The following CPNE4 variants were observed in gnomAD, a reference collection of about 807,000 sequenced individuals.
CPNE4 encodes the protein copine 4.
In CPNE4, 25 loss-of-function variants were observed where a neutral mutation model predicts 67.9. The observed-to-expected ratio is 0.37, with a 90% confidence interval of 0.27 to 0.51. The LOEUF is 0.51. Among genes scored for constraint, CPNE4 ranks in the 20% least tolerant of loss-of-function variants. CPNE4 has a pLI of 0.93. For missense variants in CPNE4, 464 were observed against 690.8 expected (o/e 0.67, Z 3.68); for synonymous variants, 242 against 244.9 (o/e 0.99, Z 0.11).
intron 7 of CPNE4, among the ~76,000 whole-genome samples, chr3:131,627,608 TG>T (rs2079113148): frequency 6.6e-6 from 1 of 152,204 alleles, no homozygotes; most frequent in Admixed American, 6.5e-5. Context: ...GAAAATAGTT[TG>T]GAAAGGATTC....
At chr3:131,746,341 A>G (rs1286131582) in intron 2 of CPNE4, among the ~76,000 whole-genome samples, 3 of 152,102 alleles carry the variant, frequency 2.0e-5, no homozygotes, top group Non-Finnish European at 4.4e-5. Context: ...AACTCTAGTC[A>G]TTCTACCGTA....
intron 1 of CPNE4, among the ~76,000 whole-genome samples, chr3:131,958,151 C>T (rs575689402): frequency 2.6e-5 from 4 of 152,348 alleles, no homozygotes; most frequent in African/African-American, 9.6e-5. Flanking sequence ...GTTACTTCTA[C>T]ATTCCAGACA....
intron 2 of CPNE4, among the ~76,000 whole-genome samples, chr3:131,864,170 G>T (rs1028304190): frequency 3.3e-5 from 5 of 151,184 alleles, no homozygotes; most frequent in African/African-American, 1.2e-4. Flanking sequence ...TTTGGCTTAG[G>T]CTTGACTTGG....
chr3:131,593,806 G>T (rs942252692), intron 7 of CPNE4, among the ~76,000 whole-genome samples: 1 of 152,070 alleles, frequency 6.6e-6, no homozygotes, highest in Non-Finnish European at 1.5e-5. Context: ...CTGCCTCCTG[G>T]GTTCAAGCGA....
chr3:131,698,393 T>C (rs2081210205), intron 4 of CPNE4, among the ~76,000 whole-genome samples: 1 of 151,878 alleles, frequency 6.6e-6, no homozygotes, highest in African/African-American at 2.4e-5. Flanking sequence ...ATCTACTGGT[T>C]TTGTGGGCTT....
At chr3:131,936,185 T>C (rs766848900) in intron 1 of CPNE4, among the ~76,000 whole-genome samples, 2 of 151,814 alleles carry the variant, frequency 1.3e-5, no homozygotes, top group Non-Finnish European at 2.9e-5. Context: ...GAATTTAAGC[T>C]ACAGAAAATC....
intron 2 of CPNE4, among the ~76,000 whole-genome samples, chr3:131,799,383 G>A (rs538859093): frequency 2.0e-5 from 3 of 152,156 alleles, no homozygotes; most frequent in Admixed American, 6.6e-5. Context: ...CCTCCTTCAC[G>A]GGCCTGCAAG....
At chr3:131,785,850 C>A (rs1488302387) in intron 2 of CPNE4, among the ~76,000 whole-genome samples, 1 of 152,024 alleles carries the variant, frequency 6.6e-6, no homozygotes, top group Non-Finnish European at 1.5e-5. Flanking sequence ...TTAAGGAAGC[C>A]ATAAGTTCTA....
chr3:131,546,446 C>A (rs1935842642), intron 14 of CPNE4, among the ~76,000 whole-genome samples: 1 of 152,120 alleles, frequency 6.6e-6, no homozygotes, highest in African/African-American at 2.4e-5. Context: ...TAGCAACAGA[C>A]TCCCTGGCAC....
At chr3:131,724,275 T>C (rs115010264) in intron 2 of CPNE4, among the ~76,000 whole-genome samples, 47 of 152,240 alleles carry the variant, frequency 3.1e-4, no homozygotes, top group African/African-American at 1.1e-3. Flanking sequence ...TTATTAAGTG[T>C]ATAATGTTCA....
intron 1 of CPNE4, among the ~76,000 whole-genome samples, chr3:131,969,322 A>G (rs1302678026): frequency 6.6e-6 from 1 of 152,038 alleles, no homozygotes; most frequent in Non-Finnish European, 1.5e-5. Context: ...ATGTATACCT[A>G]TGTAACAAAC....
At chr3:131,960,711 A>T (rs2072142564) in intron 1 of CPNE4, among the ~76,000 whole-genome samples, 1 of 151,926 alleles carries the variant, frequency 6.6e-6, no homozygotes, top group South Asian at 2.1e-4. Context: ...GGTCTGAAGG[A>T]CTCCCCAAAG....
At chr3:131,643,433 T>C (rs2079586631) in intron 7 of CPNE4, among the ~76,000 whole-genome samples, 1 of 152,250 alleles carries the variant, frequency 6.6e-6, no homozygotes, top group Non-Finnish European at 1.5e-5. Context: ...CCAATGCCTG[T>C]ACCCTCATTG....
At chr3:131,616,509 CA>C (rs1248508315) in intron 7 of CPNE4, among the ~76,000 whole-genome samples, 3 of 152,098 alleles carry the variant, frequency 2.0e-5, no homozygotes. Context: ...AGAGGTAACC[CA>C]AATTCCTCTG....
chr3:131,613,686 T>C (rs1244123773), intron 7 of CPNE4, among the ~76,000 whole-genome samples: 1 of 152,220 alleles, frequency 6.6e-6, no homozygotes, highest in Admixed American at 6.5e-5. Flanking sequence ...GCAGCTGGTC[T>C]TGGAGAATAC....
intron 1 of CPNE4, among the ~76,000 whole-genome samples, chr3:131,939,888 T>C (rs2071337233): frequency 6.6e-6 from 1 of 152,160 alleles, no homozygotes; most frequent in Admixed American, 6.6e-5. Flanking sequence ...CCTAAGCACG[T>C]TCAGGTAGGT....
At chr3:131,986,453 C>A (rs1027236084) in intron 1 of CPNE4, among the ~76,000 whole-genome samples, 3 of 152,166 alleles carry the variant, frequency 2.0e-5, no homozygotes, top group Non-Finnish European at 4.4e-5. Flanking sequence ...AAGTGCATCT[C>A]CTTTAGGTTC....
intron 2 of CPNE4, among the ~76,000 whole-genome samples, chr3:131,772,255 C>A (rs908712690): frequency 6.6e-6 from 1 of 151,960 alleles, no homozygotes; most frequent in Non-Finnish European, 1.5e-5. Context: ...AAGAAAGTGC[C>A]TAGCATATAG....
chr3:131,886,976 C>T (rs1347481165), intron 2 of CPNE4, among the ~76,000 whole-genome samples: 1 of 152,128 alleles, frequency 6.6e-6, no homozygotes, highest in East Asian at 1.9e-4. Flanking sequence ...TGAGTTAAGA[C>T]TTTGGGGGAC....
Sources: allele counts gnomAD v4.1 joint callset (sites outside exome capture counted in the v4.1 genomes callset), GRCh38; gene constraint gnomAD v4.1.1; transcripts MANE v1.5; gene names NCBI Gene and HGNC (gene_info 2026-07-23, HGNC 2026-07-21).